OTUD7A: variants seen among roughly 807,000 people sequenced by gnomAD.
OTUD7A encodes OTU deubiquitinase 7A, also known as OTU domain-containing protein 7A.
A neutral mutation model predicts 65.7 loss-of-function variants in OTUD7A; 12 were observed. That is an observed-to-expected ratio of 0.18 (90% confidence interval 0.12 to 0.30). The LOEUF is 0.30. OTUD7A is among the 10% of genes least tolerant of loss of function. OTUD7A has a pLI of 1.00. For synonymous variants in OTUD7A, 641 were observed against 586.3 expected (o/e 1.09, Z -1.35); for missense variants, 1,148 against 1,304.8 (o/e 0.88, Z 1.85).
chr15:31,627,272 G>C (rs567296050), intron 3 of OTUD7A, among the ~76,000 whole-genome samples: 1 of 128,134 alleles, frequency 7.8e-6, no homozygotes, highest in South Asian at 2.5e-4. Flanking sequence ...CCCGGAGTGT[G>C]ATGTTCCCCT....
At chr15:31,664,969 A>C (rs184088781) in intron 1 of OTUD7A, among the ~76,000 whole-genome samples, 1 of 152,120 alleles carries the variant, frequency 6.6e-6, no homozygotes. Flanking sequence ...GTTGGCTGTA[A>C]GTATTTGGGT....
intron 1 of OTUD7A, among the ~76,000 whole-genome samples, chr15:31,752,369 T>C (rs1189121901): frequency 3.3e-5 from 5 of 152,204 alleles, no homozygotes; most frequent in Non-Finnish European, 7.4e-5. Flanking sequence ...AGTATTTTAG[T>C]AGGTTTTTCA....
intron 8 of OTUD7A, among the ~76,000 whole-genome samples, chr15:31,512,594 G>C (rs1345562699): frequency 6.6e-6 from 1 of 152,084 alleles, no homozygotes; most frequent in African/African-American, 2.4e-5. Flanking sequence ...TTTATTGGCT[G>C]GAACGGGATT....
chr15:31,736,838 G>A (rs183755340), intron 1 of OTUD7A, among the ~76,000 whole-genome samples: 4 of 151,504 alleles, frequency 2.6e-5, no homozygotes, highest in South Asian at 2.1e-4. Context: ...TTGGGGGGGC[G>A]GGGGGACGGA....
chr15:31,503,606 G>C, intron 9 of OTUD7A, 85 bp downstream of exon 9: 1 of 1,563,158 alleles, frequency 6.4e-7, no homozygotes, highest in African/African-American at 1.4e-5. Context: ...CTGGGAGCTC[G>C]ACCTTGTGCT....
intron 6 of OTUD7A, among the ~76,000 whole-genome samples, chr15:31,528,286 G>A (rs1038572789): frequency 1.3e-5 from 2 of 152,222 alleles, no homozygotes; most frequent in African/African-American, 4.8e-5. Flanking sequence ...ATGGGTGGAG[G>A]AAGGAGCCAA....
chr15:31,611,272 C>T lies in OTUD7A; in HGVS notation c.152-41075G>A, dbSNP rs538386290. Among the ~76,000 whole-genome samples the T allele has an allele frequency of 2.0e-5, 3 of 152,214 alleles. No individual in the cohort carries two copies. In the East Asian group the frequency reaches 5.8e-4, roughly 29 times the overall value. ...TAGAGAAACAAGAACAAACCAAAGC[C>T]AAACCCAGCAGAATAAAGGAAATAA... On this transcript the variant is annotated intron_variant, in intron 3 of 12. Coordinates refer to ENST00000307050, the MANE Select transcript of OTUD7A (RefSeq NM_001382637.1).
intron 4 of OTUD7A, among the ~76,000 whole-genome samples, chr15:31,564,668 G>A (rs575046165): frequency 1.3e-5 from 2 of 152,028 alleles, no homozygotes; most frequent in African/African-American, 2.4e-5. Flanking sequence ...TTGCAAACCA[G>A]TAGAAAAATT....
chr15:31,655,675 AG>A lies in OTUD7A; in HGVS notation c.-4-426del, dbSNP rs66769191. Among the ~76,000 whole-genome samples the A allele has an allele frequency of 2.9e-3, 441 of 152,326 alleles. 3 individuals carry two copies. The highest frequency in any genetic ancestry group is 4.5e-3 in the Non-Finnish European group (308 of 68,038). On this transcript the variant is annotated intron_variant, in intron 2 of 12. Coordinates refer to ENST00000307050, the MANE Select transcript of OTUD7A (RefSeq NM_001382637.1). ...GTGGAATACATTTCTGTTGTTCATA[AG>A]CCTCCCAAGCTATTGTATTTTGACA...
At chr15:31,675,196 T>C (rs1426778813) in intron 1 of OTUD7A, among the ~76,000 whole-genome samples, 1 of 151,930 alleles carries the variant, frequency 6.6e-6, no homozygotes, top group Non-Finnish European at 1.5e-5. Flanking sequence ...GAAAAAGACA[T>C]AAAGAGACAA....
intron 3 of OTUD7A, among the ~76,000 whole-genome samples, chr15:31,629,229 T>C (rs1326110908): frequency 2.0e-4 from 30 of 152,170 alleles, no homozygotes; most frequent in South Asian, 4.1e-4. Context: ...GGCTGTGGGT[T>C]TGTCATAGAT....
intron 1 of OTUD7A, among the ~76,000 whole-genome samples, chr15:31,756,471 C>T (rs557938516): frequency 2.2e-4 from 33 of 152,176 alleles, no homozygotes; most frequent in Non-Finnish European, 4.4e-4. Context: ...TCAGTGCTGA[C>T]GCACAAAGTC....
At chr15:31,575,267 G>GCTTCCAGGGAATTGTGAGTAACAAA (rs1248940381) in intron 3 of OTUD7A, among the ~76,000 whole-genome samples, 4 of 152,176 alleles carry the variant, frequency 2.6e-5, no homozygotes, top group Admixed American at 2.6e-4. Context: ...TGTACACCCT[G>GCTTCCAGGGAATTGTGAGTAACAAA]CTTCCAGGGA....
At chr15:31,642,389 T>C (rs1891542782) in intron 3 of OTUD7A, among the ~76,000 whole-genome samples, 1 of 152,322 alleles carries the variant, frequency 6.6e-6, no homozygotes, top group South Asian at 2.1e-4. Flanking sequence ...GGTTTTGTAT[T>C]AGGGTAATGC....
rs1888001618 is a variant in OTUD7A at position 31,542,031 on chromosome 15, A to G, written c.551-11223T>C. Among the ~76,000 whole-genome samples the G allele has an allele frequency of 2.0e-5, 3 of 152,172 alleles. 1 individual carries two copies. The South Asian group carries it at 6.2e-4, about 31-fold the overall frequency. ...AAGAAATTAACCTAAAATTGGTTCT[A>G]AGTACCAAAGGTAATTCCTCTTGGG... On this transcript the variant is annotated intron_variant, in intron 5 of 12. Coordinates refer to ENST00000307050, the MANE Select transcript of OTUD7A (RefSeq NM_001382637.1).
At chr15:31,694,869 A>C (rs1893039545) in intron 1 of OTUD7A, among the ~76,000 whole-genome samples, 2 of 151,106 alleles carry the variant, frequency 1.3e-5, no homozygotes, top group South Asian at 4.2e-4. Context: ...TTTTTGAGAC[A>C]GAGTCTTGCT....
intron 1 of OTUD7A, among the ~76,000 whole-genome samples, chr15:31,833,995 G>A (rs889921521): frequency 4.6e-5 from 7 of 152,332 alleles, no homozygotes; most frequent in African/African-American, 9.6e-5. Context: ...GGGAGGCCGT[G>A]GAGGGCCTTC....
chr15:31,766,441 A>G (rs1215514457), intron 1 of OTUD7A: 11 of 1,580,710 alleles, frequency 7.0e-6, no homozygotes, highest in Non-Finnish European at 9.6e-6. Flanking sequence ...GTCAACACAG[A>G]AGAAGCTGGA....
At chr15:31,836,872 T>C (rs1167936496) in intron 1 of OTUD7A, among the ~76,000 whole-genome samples, 2 of 152,180 alleles carry the variant, frequency 1.3e-5, no homozygotes, top group Non-Finnish European at 1.5e-5. Context: ...AAAAAACAGA[T>C]AGCTATATCA....
Sources: allele counts gnomAD v4.1 joint callset (sites outside exome capture counted in the v4.1 genomes callset), GRCh38; gene constraint gnomAD v4.1.1; transcripts MANE v1.5; gene names NCBI Gene and HGNC (gene_info 2026-07-23, HGNC 2026-07-21).